Variants in DNAJC1 observed in about 807,000 individuals in gnomAD.
DNAJC1 encodes the protein DnaJ heat shock protein family (Hsp40) member C1, also known as dnaJ homolog subfamily C member 1.
DNAJC1 carries 58 observed loss-of-function variants against 76.6 expected under a neutral mutation model. The ratio of observed to expected loss-of-function variants is 0.76; its 90% CI spans 0.61 to 0.94. The LOEUF (loss-of-function observed/expected upper bound fraction) is 0.94. Among genes scored for constraint, DNAJC1 ranks in the 40% least tolerant of loss-of-function variants. DNAJC1 has a pLI of 0.00. For missense variants in DNAJC1, 689 were observed against 677.3 expected, an observed-to-expected ratio of 1.02 and a Z score of -0.19; for synonymous variants, 258 against 267.9, an observed-to-expected ratio of 0.96 and a Z score of 0.36.
intron 6 of DNAJC1, among the ~76,000 whole-genome samples, chr10:21,905,964 G>C (rs1423538112): frequency 6.6e-6 from 1 of 152,082 alleles, no homozygotes; most frequent in Non-Finnish European, 1.5e-5. Context: ...CTTTGACTCA[G>C]ATGTAAATAC....
At chr10:21,924,798 T>C (rs937364942) in intron 3 of DNAJC1, among the ~76,000 whole-genome samples, 1 of 152,236 alleles carries the variant, frequency 6.6e-6, no homozygotes, top group Non-Finnish European at 1.5e-5. Flanking sequence ...CAAACCTATG[T>C]TGTATAGCTT....
intron 8 of DNAJC1, among the ~76,000 whole-genome samples, chr10:21,879,013 T>C (rs1044626940): frequency 6.6e-6 from 1 of 152,188 alleles, no homozygotes; most frequent in African/African-American, 2.4e-5. Context: ...GAGGAAATCA[T>C]ACTCAAAGGA....
At chr10:21,947,784 T>C (rs950064011) in intron 1 of DNAJC1, among the ~76,000 whole-genome samples, 20 of 152,182 alleles carry the variant, frequency 1.3e-4, no homozygotes, top group Non-Finnish European at 5.9e-5. Context: ...TTTCCTCAGA[T>C]GAATTTTATT....
chr10:21,782,287 C>T (rs1368722991), intron 9 of DNAJC1, among the ~76,000 whole-genome samples: 1 of 152,140 alleles, frequency 6.6e-6, no homozygotes, highest in South Asian at 2.1e-4. Flanking sequence ...ACTAGAAAAT[C>T]TAGAAGAAAT....
At chr10:21,822,671 T>C (rs900407174) in intron 8 of DNAJC1, among the ~76,000 whole-genome samples, 10 of 152,030 alleles carry the variant, frequency 6.6e-5, no homozygotes, top group African/African-American at 9.7e-5. Flanking sequence ...AAGTGTTAAA[T>C]TGTCACTGAC....
chr10:21,918,705 G>C, intron 6 of DNAJC1, 74 bp downstream of exon 6: 2 of 1,132,446 alleles, frequency 1.8e-6, no homozygotes, highest in South Asian at 2.7e-5. Context: ...TCAGAGAGCC[G>C]ACATGGGCAT....
intron 7 of DNAJC1, among the ~76,000 whole-genome samples, chr10:21,892,487 AT>A (rs1800680289): frequency 6.6e-6 from 1 of 152,050 alleles, no homozygotes; most frequent in Non-Finnish European, 1.5e-5. Flanking sequence ...AAAATAAAAA[AT>A]AAAATGGCAA....
chr10:21,858,451 A>C (rs1429813132), intron 8 of DNAJC1, among the ~76,000 whole-genome samples: 4 of 152,232 alleles, frequency 2.6e-5, no homozygotes, highest in African/African-American at 9.6e-5. Context: ...TACCTGGAGC[A>C]AGCAAATCAA....
At chr10:21,964,949 T>A (rs1420947432) in intron 1 of DNAJC1, among the ~76,000 whole-genome samples, 3 of 152,166 alleles carry the variant, frequency 2.0e-5, no homozygotes, top group Non-Finnish European at 4.4e-5. Flanking sequence ...CAAAAATTTC[T>A]CCCTCTCTTC....
intron 1 of DNAJC1, among the ~76,000 whole-genome samples, chr10:21,943,451 C>T (rs1489438094): frequency 6.6e-6 from 1 of 152,206 alleles, no homozygotes; most frequent in Non-Finnish European, 1.5e-5. Context: ...ACCTTCCTTC[C>T]TTTCCTCTGC....
chr10:21,883,512 T>C (rs544172668), intron 7 of DNAJC1, among the ~76,000 whole-genome samples: 1 of 152,214 alleles, frequency 6.6e-6, no homozygotes, highest in African/African-American at 2.4e-5. Flanking sequence ...CCAATGCTTG[T>C]TGACTTATTA....
intron 8 of DNAJC1, among the ~76,000 whole-genome samples, chr10:21,826,690 G>A (rs1050684237): frequency 6.6e-5 from 10 of 152,038 alleles, no homozygotes; most frequent in African/African-American, 1.9e-4. Flanking sequence ...ATACTATAAC[G>A]TAATAGTCCA....
intron 1 of DNAJC1, among the ~76,000 whole-genome samples, chr10:21,993,294 C>T (rs778608925): frequency 6.6e-6 from 1 of 152,184 alleles, no homozygotes; most frequent in Non-Finnish European, 1.5e-5. Flanking sequence ...ATCAGAACTG[C>T]ATGCCTTAGC....
At chr10:21,837,086 T>G (rs1000100379) in intron 8 of DNAJC1, among the ~76,000 whole-genome samples, 1 of 152,200 alleles carries the variant, frequency 6.6e-6, no homozygotes, top group Admixed American at 6.5e-5. Flanking sequence ...GGTATTCGTA[T>G]TTTTTTGGTG....
At chr10:21,906,328 A>G (rs192680868) in intron 6 of DNAJC1, among the ~76,000 whole-genome samples, 6 of 152,166 alleles carry the variant, frequency 3.9e-5, no homozygotes, top group Admixed American at 1.3e-4. Flanking sequence ...GTTTTGGGTT[A>G]AGGTTTTATA....
At chr10:21,898,055 T>C (rs766693528) in intron 7 of DNAJC1, among the ~76,000 whole-genome samples, 15 of 152,170 alleles carry the variant, frequency 9.9e-5, no homozygotes, top group South Asian at 2.1e-4. Flanking sequence ...CAAAAATCAA[T>C]TGAATTTCTT....
chr10:21,761,567 AT>A (rs1168521773), intron 10 of DNAJC1, among the ~76,000 whole-genome samples: 9 of 151,368 alleles, frequency 5.9e-5, no homozygotes, highest in African/African-American at 2.2e-4. Flanking sequence ...AAAAAAAAAA[AT>A]CTAGATATAA....
At chr10:21,874,716 T>C (rs949171701) in intron 8 of DNAJC1, among the ~76,000 whole-genome samples, 6 of 152,198 alleles carry the variant, frequency 3.9e-5, no homozygotes, top group African/African-American at 1.4e-4. Context: ...AGAGTGGTAA[T>C]GGTTGCACAA....
At chr10:21,838,026 C>T (rs1183272444) in intron 8 of DNAJC1, among the ~76,000 whole-genome samples, 9 of 147,992 alleles carry the variant, frequency 6.1e-5, no homozygotes, top group Middle Eastern at 7.6e-3. Context: ...TCCGCCCAGC[C>T]GCTGCCCCGT....
Sources: allele counts gnomAD v4.1 joint callset (sites outside exome capture counted in the v4.1 genomes callset), GRCh38; gene constraint gnomAD v4.1.1; transcripts MANE v1.5; gene names NCBI Gene and HGNC (gene_info 2026-07-23, HGNC 2026-07-21).